ARHGEF33: variants seen among roughly 807,000 people sequenced by gnomAD.
ARHGEF33 encodes the protein DH and coiled-coil domain-containing protein ENSP00000381780.
Under a neutral mutation model 101.9 loss-of-function variants are expected in ARHGEF33, and 72 were observed. That is an observed-to-expected ratio of 0.71 (90% confidence interval 0.58 to 0.86). The LOEUF (loss-of-function observed/expected upper bound fraction) is 0.86. Ranked by LOEUF, ARHGEF33 falls within the 40% of genes least tolerant of loss-of-function variation. ARHGEF33 has a pLI of 0.00. For synonymous variants in ARHGEF33, 499 were observed against 442.5 expected (o/e 1.13, Z -1.60); for missense variants, 1,169 against 1,111.3 (o/e 1.05, Z -0.74).
chr2:38,953,131 C>A, intron 11 of ARHGEF33, 31 bp from the exon 12 acceptor site: 2 of 1,022,136 alleles, frequency 2.0e-6, no homozygotes, highest in Non-Finnish European at 3.0e-6. Flanking sequence ...TTTTCAGGTT[C>A]TTACCATGCA....
intron 15 of ARHGEF33, among the ~76,000 whole-genome samples, chr2:38,959,061 A>G (rs1332212890): frequency 6.6e-6 from 1 of 152,266 alleles, no homozygotes; most frequent in Non-Finnish European, 1.5e-5. Flanking sequence ...AACTAGCAGA[A>G]TAACCACTTC....
intron 7 of ARHGEF33, among the ~76,000 whole-genome samples, chr2:38,931,692 T>C (rs1667007485): frequency 6.6e-6 from 1 of 152,124 alleles, no homozygotes; most frequent in Admixed American, 6.6e-5. Context: ...TTAGGGATGT[T>C]AGAACAGATA....
chr2:38,913,001 A>G (rs1403802085), intron 2 of ARHGEF33, among the ~76,000 whole-genome samples: 1 of 151,864 alleles, frequency 6.6e-6, no homozygotes, highest in Non-Finnish European at 1.5e-5. Flanking sequence ...TTCCTTATAT[A>G]GCATATGGGA....
chr2:38,960,601 C>T lies in ARHGEF33; in HGVS notation c.2296C>T (p.Gln766Ter). The change falls in exon 16 of 18, where the codon CAA becomes TAA. Residue 766 changes from glutamine to a stop codon, truncating the protein, a stop_gained. Transcript: ENST00000409978. LOFTEE classifies it high-confidence loss of function. ...CGGCGCATCCAGGACCTTCTTCCCC[C>T]AACAGAGGTCCCAAAGCGAAAAACA... ...ARGASRTFFP[Q>*]QRSQSEKQTY... is the part of the protein sequence containing the mutation. The T allele has an allele frequency of 7.1e-7, 1 of 1,416,042 alleles. No individual in the cohort carries two copies. Among genetic ancestry groups the T allele is most frequent in the Non-Finnish European group, 9.3e-7 (1 of 1,070,194 alleles). 87.7% of individuals were successfully genotyped at this position (1,416,042 alleles called of 1,614,324 possible).
chr2:38,914,118 C>A (rs1052033605), intron 2 of ARHGEF33, among the ~76,000 whole-genome samples: 23 of 152,152 alleles, frequency 1.5e-4, no homozygotes, highest in African/African-American at 5.1e-4. Context: ...GGCTGGAATG[C>A]AGGAGAAAGG....
chr2:38,902,321 A>G (rs1666267492), intron 2 of ARHGEF33, among the ~76,000 whole-genome samples: 1 of 152,186 alleles, frequency 6.6e-6, no homozygotes, highest in Non-Finnish European at 1.5e-5. Context: ...CTGACCTGAC[A>G]GCCATTTTAT....
At chr2:38,939,963 G>C (rs750789003) in intron 9 of ARHGEF33, among the ~76,000 whole-genome samples, 2 of 152,220 alleles carry the variant, frequency 1.3e-5, no homozygotes, top group Non-Finnish European at 2.9e-5. Flanking sequence ...GACTTATGGT[G>C]AATAAATTTT....
chr2:38,945,014 G>A (rs956315698), intron 10 of ARHGEF33, among the ~76,000 whole-genome samples: 1 of 152,070 alleles, frequency 6.6e-6, no homozygotes, highest in African/African-American at 2.4e-5. Context: ...TCTGTTGAGA[G>A]AAAGCAGGAA....
At chr2:38,902,508 T>C (rs1212386634) in intron 2 of ARHGEF33, among the ~76,000 whole-genome samples, 1 of 152,230 alleles carries the variant, frequency 6.6e-6, no homozygotes, top group Non-Finnish European at 1.5e-5. Context: ...ATTTTCCGTA[T>C]TTGTAAAGTG....
At chr2:38,946,199 C>A (rs887928242) in intron 10 of ARHGEF33, among the ~76,000 whole-genome samples, 2 of 152,178 alleles carry the variant, frequency 1.3e-5, no homozygotes, top group African/African-American at 4.8e-5. Flanking sequence ...CCAGACCCTG[C>A]AGAAGATTTG....
chr2:38,922,383 G>C (rs1270437113), intron 4 of ARHGEF33, among the ~76,000 whole-genome samples: 1 of 152,164 alleles, frequency 6.6e-6, no homozygotes, highest in Non-Finnish European at 1.5e-5. Context: ...AGGGTAGATA[G>C]TTTAGGGGAA....
In ARHGEF33 at chr2:38,929,119, G is replaced by C. The variant is rs987195688; in HGVS notation, c.240+48G>C. 1.4e-5 allele frequency: 21 copies of C among 1,450,816 alleles called. No homozygotes were observed. The Admixed American group carries it at 4.6e-4, about 32-fold the overall frequency. 89.9% of individuals were successfully genotyped at this position (1,450,816 alleles called of 1,614,324 possible). A position where few individuals can be genotyped will look rare whatever the true frequency, so the allele number is the denominator to read the frequency against. ...TGCTGACAAGAGAATTTTGGTCTCA[G>C]TAACAGCAATAGAAAACTTGCCTTT... On this transcript the variant is annotated intron_variant, in intron 5 of 17. Coordinates refer to ENST00000409978, the MANE Select transcript of ARHGEF33 (RefSeq NM_001145451.5).
intron 2 of ARHGEF33, among the ~76,000 whole-genome samples, chr2:38,913,920 G>T (rs1442700218): frequency 6.6e-6 from 1 of 151,368 alleles, no homozygotes; most frequent in Admixed American, 6.6e-5. Context: ...AAAAAAAAAG[G>T]CAGATAACCC....
Position 38,931,412 on chromosome 2 carries a change from A to T in ARHGEF33, c.505+161A>T, listed in dbSNP as rs146294985. On this transcript the variant is annotated intron_variant, in intron 7 of 17. Coordinates refer to ENST00000409978, the MANE Select transcript of ARHGEF33 (RefSeq NM_001145451.5). ...TTCAGAAGAATCCAGAGGATCTAAG[A>T]GACCACAAGAGTGCCCAGTTTTAAA... 1.1e-3 allele frequency: 635 copies of T among 589,302 alleles called. 13 individuals are homozygous for T. In the East Asian group the frequency reaches 0.017, roughly 15 times the overall value. 36.5% of individuals were successfully genotyped at this position (589,302 alleles called of 1,614,324 possible).
intron 16 of ARHGEF33, among the ~76,000 whole-genome samples, chr2:38,961,126 T>A (rs960658127): frequency 6.6e-6 from 1 of 152,198 alleles, no homozygotes; most frequent in African/African-American, 2.4e-5. Context: ...GCCAGCCTAC[T>A]CCACTTCTTC....
At chr2:38,971,099 G>T (rs992850410) in intron 17 of ARHGEF33, among the ~76,000 whole-genome samples, 1 of 152,176 alleles carries the variant, frequency 6.6e-6, no homozygotes, top group African/African-American at 2.4e-5. Context: ...GTCTCCTAAA[G>T]CTTTCAAGGA....
chr2:38,971,753 A>C (rs1668170869), intron 17 of ARHGEF33: 1 of 702,858 alleles, frequency 1.4e-6, no homozygotes, highest in South Asian at 1.5e-5. Flanking sequence ...AATGCAGAGA[A>C]ATTCAGACAT....
chr2:38,905,314 A>C (rs917424424), intron 2 of ARHGEF33, among the ~76,000 whole-genome samples: 1 of 152,340 alleles, frequency 6.6e-6, no homozygotes, highest in South Asian at 2.1e-4. Flanking sequence ...GTTTAGGGTA[A>C]GGTGATGATT....
intron 4 of ARHGEF33, among the ~76,000 whole-genome samples, chr2:38,921,678 A>T (rs1255893650): frequency 6.6e-6 from 1 of 152,094 alleles, no homozygotes; most frequent in African/African-American, 2.4e-5. Flanking sequence ...GCTCAAGCTC[A>T]GCTTCCTGAG....
Sources: allele counts gnomAD v4.1 joint callset (sites outside exome capture counted in the v4.1 genomes callset), GRCh38; gene constraint gnomAD v4.1.1; transcripts MANE v1.5; gene names NCBI Gene and HGNC (gene_info 2026-07-23, HGNC 2026-07-21).